PHLDB2: variants seen among roughly 807,000 people sequenced by gnomAD.
PHLDB2 encodes pleckstrin homology-like domain family B member 2.
Under a neutral mutation model 123.6 loss-of-function variants are expected in PHLDB2, and 71 were observed. The ratio of observed to expected loss-of-function variants is 0.57; its 90% CI spans 0.47 to 0.70. The LOEUF is 0.70. Among genes scored for constraint, PHLDB2 ranks in the 30% least tolerant of loss-of-function variants. PHLDB2 has a pLI of 0.00. For synonymous variants in PHLDB2, 547 were observed against 541.6 expected (o/e 1.01, Z -0.14); for missense variants, 1,446 against 1,519.5 (o/e 0.95, Z 0.80).
chr3:111,856,685 G>A (rs1302239889), upstream of PHLDB2, among the ~76,000 whole-genome samples: 2 of 152,082 alleles, frequency 1.3e-5, no homozygotes, highest in Admixed American at 6.5e-5. Flanking sequence ...CATTGCTCGA[G>A]GCAAGGAAAT....
At chr3:111,971,297 C>G (rs1371971615) in intron 16 of PHLDB2, among the ~76,000 whole-genome samples, 1 of 152,156 alleles carries the variant, frequency 6.6e-6, no homozygotes, top group Non-Finnish European at 1.5e-5. Flanking sequence ...TGCTCCTGTT[C>G]TCTGTGAGCC....
chr3:111,811,392 A>G (rs2061831386), intron 1 of PHLDB2, among the ~76,000 whole-genome samples: 1 of 152,152 alleles, frequency 6.6e-6, no homozygotes, highest in South Asian at 2.1e-4. Context: ...TTTGCTACCA[A>G]TTAGTCTTGG....
At chr3:111,824,754 C>T (rs2062571090) in intron 1 of PHLDB2, among the ~76,000 whole-genome samples, 1 of 152,204 alleles carries the variant, frequency 6.6e-6, no homozygotes, top group Admixed American at 6.5e-5. Context: ...TGGTTTTCAA[C>T]ATGGCTTAAG....
At chr3:111,777,598 C>T (rs2060289202) in intron 1 of PHLDB2, among the ~76,000 whole-genome samples, 1 of 152,080 alleles carries the variant, frequency 6.6e-6, no homozygotes, top group Non-Finnish European at 1.5e-5. Flanking sequence ...CTCTTTCATT[C>T]TGTGTTCATC....
intron 1 of PHLDB2, among the ~76,000 whole-genome samples, chr3:111,805,879 G>T (rs7620045): frequency 0.29 from 41,357 of 144,906 alleles, 6,992 homozygotes; most frequent in Admixed American, 0.33. Context: ...AAAAAGAAAA[G>T]ATACAAGAAG....
intron 1 of PHLDB2, among the ~76,000 whole-genome samples, chr3:111,834,299 A>T (rs1357433210): frequency 2.9e-5 from 4 of 136,670 alleles, no homozygotes; most frequent in South Asian, 4.4e-4. Flanking sequence ...TTATATACAT[A>T]ATATATATAA....
chr3:111,876,323 C>G (rs116570360), intron 1 of PHLDB2, among the ~76,000 whole-genome samples: 1 of 152,090 alleles, frequency 6.6e-6, no homozygotes, highest in African/African-American at 2.4e-5. Flanking sequence ...GACTCTAGAG[C>G]AACTTGGCGG....
intron 1 of PHLDB2, among the ~76,000 whole-genome samples, chr3:111,838,529 C>G (rs1014298562): frequency 2.0e-5 from 3 of 152,076 alleles, no homozygotes; most frequent in African/African-American, 7.2e-5. Flanking sequence ...CTTTCAGAAC[C>G]CTTCAGACAG....
intron 10 of PHLDB2, 116 bp downstream of exon 10, chr3:111,949,191 G>A: frequency 1.6e-6 from 2 of 1,213,730 alleles, no homozygotes; most frequent in African/African-American, 1.5e-5. Context: ...TATCTGTTTG[G>A]CCAGAGGGGT....
chr3:111,827,180 A>T (rs1238171140), intron 1 of PHLDB2, among the ~76,000 whole-genome samples: 2 of 152,158 alleles, frequency 1.3e-5, no homozygotes, highest in African/African-American at 4.8e-5. Context: ...TATCAAACTG[A>T]CTTATTTAAG....
chr3:111,884,587 G>T lies in PHLDB2; in HGVS notation c.510G>T (p.Arg170=), dbSNP rs1376585836. 2 of 1,614,018 alleles carry T rather than the reference G, an allele frequency of 1.2e-6. No individual in the cohort carries two copies. The highest frequency in any genetic ancestry group is 2.2e-5 in the South Asian group (2 of 91,080). The change falls in exon 2 of 18, where the codon CGG becomes CGT. Residue 170 remains arginine, a synonymous_variant. Transcript: ENST00000431670. ...ACTCTCTTGGAGGGCTGGAAGGTCG[G>T]AAGGCATCTGGCTCGCTCCTGGCCA... ...NVYSLGGLEG[R]KASGSLLAMW...
rs190088366 is a variant in PHLDB2, at chr3:111,830,990, A to G, written c.-48-14831A>G. 4.2e-3 allele frequency among the ~76,000 whole-genome samples: 328 copies of G among 77,750 alleles called. 32 individuals carry two copies. The highest frequency in any genetic ancestry group is 5.4e-3 in the Middle Eastern group (1 of 186). 51.0% of individuals were successfully genotyped at this position (77,750 alleles called of 152,430 possible). On this transcript the variant is annotated intron_variant, in intron 1 of 17. Coordinates refer to the PHLDB2 transcript ENST00000393923. ...GAAAGAAAGAAAGAAAGAAAGAAAG[A>G]AAGAAAGAAAGAAAGAAAGAAAGAA... is the stretch of plus-strand genomic sequence containing the variant.
Position 111,903,408 on chromosome 3 carries a change from G to A in PHLDB2, c.1336-9911G>A, listed in dbSNP as rs150810088. Reference sequence around the variant, plus strand: ...GATGCCTTTCTCCCCAGGTTACTATGGCAACTGGGCAGAGCTCTGTTGCCA... The same window carrying A: ...GATGCCTTTCTCCCCAGGTTACTATAGCAACTGGGCAGAGCTCTGTTGCCA... On this transcript the variant is annotated intron_variant, in intron 2 of 17. Coordinates refer to ENST00000431670, the MANE Select transcript of PHLDB2 (RefSeq NM_001134438.2). 4.6e-3 allele frequency among the ~76,000 whole-genome samples: 698 copies of A among 152,282 alleles called. 12 individuals are homozygous for A. The highest frequency in any genetic ancestry group is 0.016 in the African/African-American group (648 of 41,534).
upstream of PHLDB2, among the ~76,000 whole-genome samples, chr3:111,858,236 A>C (rs2064609089): frequency 6.6e-6 from 1 of 152,146 alleles, no homozygotes; most frequent in Non-Finnish European, 1.5e-5. Context: ...TTCTCATCAT[A>C]AGTGGGAGTT....
intron 15 of PHLDB2, 150 bp downstream of exon 15, chr3:111,967,974 GCAAA>G (rs2071894113): frequency 1.2e-4 from 5 of 41,044 alleles, no homozygotes; most frequent in Non-Finnish European, 1.6e-4. Context: ...GCATTCCTGT[GCAAA>G]AAAAAAAAAA....
At chr3:111,745,430 T>C (rs1473719935) in intron 1 of PHLDB2, among the ~76,000 whole-genome samples, 1 of 152,180 alleles carries the variant, frequency 6.6e-6, no homozygotes, top group Non-Finnish European at 1.5e-5. Flanking sequence ...TAGCTAATGA[T>C]ATTATTCTCT....
At chr3:111,812,253 T>G (rs2061874162) in intron 1 of PHLDB2, among the ~76,000 whole-genome samples, 1 of 152,204 alleles carries the variant, frequency 6.6e-6, no homozygotes, top group African/African-American at 2.4e-5. Flanking sequence ...TCACCATTTG[T>G]TTTCAGTTGA....
chr3:111,819,309 G>A (rs983477689), intron 1 of PHLDB2, among the ~76,000 whole-genome samples: 6 of 152,146 alleles, frequency 3.9e-5, no homozygotes, highest in African/African-American at 1.2e-4. Flanking sequence ...AGTTTACAAC[G>A]ACAAATCTTC....
chr3:111,961,718 C>G (rs1256985751), intron 12 of PHLDB2, among the ~76,000 whole-genome samples: 5 of 152,144 alleles, frequency 3.3e-5, no homozygotes, highest in Non-Finnish European at 7.4e-5. Flanking sequence ...AAGTGCCTGC[C>G]CTAAAACCCT....
Sources: gnomAD v4.1 joint callset for allele counts (sites outside exome capture counted in the v4.1 genomes callset) on GRCh38, gnomAD v4.1.1 for gene constraint, MANE v1.5 for transcripts, NCBI Gene and HGNC (gene_info 2026-07-23, HGNC 2026-07-21) for gene names.